WBP1L: variants seen among roughly 807,000 people sequenced by gnomAD.
WBP1L encodes WW domain binding protein 1 like.
Under a neutral mutation model 33.7 loss-of-function variants are expected in WBP1L, and 17 were observed. The ratio of observed to expected loss-of-function variants is 0.50; its 90% CI spans 0.34 to 0.76. The LOEUF is 0.76. WBP1L is among the 30% of genes least tolerant of loss of function. WBP1L has a pLI of 0.01. For missense variants in WBP1L, 389 were observed against 469.4 expected, an observed-to-expected ratio of 0.83 and a Z score of 1.58; for synonymous variants, 173 against 190.8, an observed-to-expected ratio of 0.91 and a Z score of 0.77.
At chr10:102,765,919 C>T (rs1034216928) in intron 1 of WBP1L, among the ~76,000 whole-genome samples, 2 of 152,140 alleles carry the variant, frequency 1.3e-5, no homozygotes, top group South Asian at 4.1e-4. Flanking sequence ...GGGTCAGCCA[C>T]CATTGTACCC....
At chr10:102,768,759 C>T (rs1226098662) in intron 1 of WBP1L, among the ~76,000 whole-genome samples, 4 of 147,882 alleles carry the variant, frequency 2.7e-5, no homozygotes, top group African/African-American at 1.0e-4. Context: ...GTGATCTCGG[C>T]TCACTGAAAG....
intron 1 of WBP1L, among the ~76,000 whole-genome samples, chr10:102,765,862 A>G (rs779598920): frequency 4.6e-5 from 7 of 152,176 alleles, no homozygotes; most frequent in South Asian, 4.1e-4. Flanking sequence ...ACTCAGAGAG[A>G]GTTGAGATGT....
intron 1 of WBP1L, among the ~76,000 whole-genome samples, chr10:102,774,986 G>A (rs943794727): frequency 5.3e-5 from 8 of 151,910 alleles, no homozygotes; most frequent in Admixed American, 2.6e-4. Flanking sequence ...ATGGTAGCAC[G>A]TGCCTGTGGT....
chr10:102,809,605 T>G (rs1282047601), intron 2 of WBP1L, among the ~76,000 whole-genome samples: 1 of 152,100 alleles, frequency 6.6e-6, no homozygotes, highest in African/African-American at 2.4e-5. Context: ...ACTCCTGACC[T>G]CAAGTGATCC....
At chr10:102,771,466 G>A (rs1843185519) in intron 1 of WBP1L, among the ~76,000 whole-genome samples, 1 of 152,026 alleles carries the variant, frequency 6.6e-6, no homozygotes, top group East Asian at 1.9e-4. Context: ...TGAAGCGTTC[G>A]AGACCAGCCT....
At chr10:102,803,865 G>A (rs1333291515) in intron 2 of WBP1L, 1 of 151,878 alleles carries the variant, frequency 6.6e-6, no homozygotes, top group Non-Finnish European at 1.5e-5. Context: ...CCAAAGTGCT[G>A]GGATTCTAGC....
chr10:102,752,379 C>T (rs548852851), intron 1 of WBP1L, among the ~76,000 whole-genome samples: 102 of 152,218 alleles, frequency 6.7e-4, no homozygotes, highest in African/African-American at 2.3e-3. Flanking sequence ...AGCGAGTTTT[C>T]GGTGGGACTT....
chr10:102,757,807 C>A (rs2134029377), intron 1 of WBP1L, among the ~76,000 whole-genome samples: 1 of 150,886 alleles, frequency 6.6e-6, no homozygotes, highest in East Asian at 2.0e-4. Context: ...GAACTCCTGA[C>A]CTCCAGTGAT....
chr10:102,805,232 G>A (rs1843713453), intron 2 of WBP1L, among the ~76,000 whole-genome samples: 1 of 151,936 alleles, frequency 6.6e-6, no homozygotes, highest in African/African-American at 2.4e-5. Flanking sequence ...AGTGAGTTCT[G>A]GTCTCTACTG....
intron 1 of WBP1L, among the ~76,000 whole-genome samples, chr10:102,792,546 C>T (rs1019090315): frequency 4.6e-5 from 7 of 150,612 alleles, no homozygotes; most frequent in Non-Finnish European, 1.0e-4. Context: ...TCTCTGCCTG[C>T]GATGTTCTTC....
At chr10:102,748,445 A>G (rs12763284) in intron 1 of WBP1L, among the ~76,000 whole-genome samples, 72,659 of 151,876 alleles carry the variant, frequency 0.48, 17,488 homozygotes, top group East Asian at 0.62. Context: ...TGGTATTTCA[A>G]TGCCATCACC....
intron 2 of WBP1L, among the ~76,000 whole-genome samples, chr10:102,806,280 G>T (rs1316815586): frequency 6.6e-6 from 1 of 151,954 alleles, no homozygotes; most frequent in Non-Finnish European, 1.5e-5. Flanking sequence ...ATAATGGACT[G>T]TGAGATTACA....
At chr10:102,772,925 C>CTTTTTTTTTT (rs58706105) in intron 1 of WBP1L, among the ~76,000 whole-genome samples, 1 of 138,948 alleles carries the variant, frequency 7.2e-6, no homozygotes, top group Non-Finnish European at 1.5e-5. Flanking sequence ...GTATGACTTC[C>CTTTTTTTTTT]TTTTTTTTTT....
Position 102,810,008 on chromosome 10 carries a change from C to A in WBP1L, c.309C>A (p.Ile103=), listed in dbSNP as rs376943384. 4.3e-5 allele frequency: 70 copies of A among 1,613,808 alleles called. No individual in the cohort carries two copies. The highest frequency in any genetic ancestry group is 5.0e-5 in the Non-Finnish European group (59 of 1,180,014). The change falls in exon 3 of 4, where the codon ATC becomes ATA. Residue 103 remains isoleucine, a synonymous_variant. Coordinates refer to ENST00000448841, the MANE Select transcript of WBP1L (RefSeq NM_001083913.2). ...AGCGGCAACATGAAATCAACCTGAT[C>A]GCTTACCGAGAAGCCCACAATTACT... is the stretch of plus-strand genomic sequence containing the variant. ...AQQRQHEINL[I]AYREAHNYSA... is the part of the protein sequence containing the mutation.
chr10:102,809,068 T>C (rs1843786139), intron 2 of WBP1L, among the ~76,000 whole-genome samples: 2 of 144,576 alleles, frequency 1.4e-5, no homozygotes, highest in Non-Finnish European at 3.1e-5. Flanking sequence ...CCTGCTTTGC[T>C]GTCATCATTC....
Position 102,812,695 on chromosome 10 carries a change from G to A in WBP1L, c.456G>A (p.Gln152=). 6.2e-7 allele frequency: 1 copy of A among 1,613,944 alleles called. No individual in the cohort carries two copies. The highest frequency in any genetic ancestry group is 8.5e-7 in the Non-Finnish European group (1 of 1,179,940). ...PYSAFQLQQQ[Q]LLPPQCGPAG... is the part of the protein sequence containing the mutation. ...GTGCCTTCCAGCTACAGCAGCAGCA[G>A]CTGCTGCCTCCACAGTGTGGCCCTG... The change falls in exon 4 of 4, where the codon CAG becomes CAA. Residue 152 remains glutamine, a synonymous_variant. Coordinates refer to ENST00000448841, the MANE Select transcript of WBP1L (RefSeq NM_001083913.2).
At chr10:102,806,668 CTCTG>C (rs1843741069) in intron 2 of WBP1L, among the ~76,000 whole-genome samples, 1 of 151,226 alleles carries the variant, frequency 6.6e-6, no homozygotes, top group African/African-American at 2.4e-5. Context: ...GAAAAAAATC[CTCTG>C]TCTGTTCTCT....
intron 1 of WBP1L, among the ~76,000 whole-genome samples, chr10:102,790,031 C>T (rs1843474648): frequency 6.6e-6 from 1 of 152,132 alleles, no homozygotes; most frequent in African/African-American, 2.4e-5. Context: ...AGCCACCACG[C>T]CCGGCCGAAA....
intron 1 of WBP1L, among the ~76,000 whole-genome samples, chr10:102,777,689 T>C (rs2134043241): frequency 6.8e-6 from 1 of 147,500 alleles, no homozygotes; most frequent in South Asian, 2.2e-4. Context: ...CTCAGCCTCC[T>C]GAGTAGCTGG....
Sources: allele counts gnomAD v4.1 joint callset (sites outside exome capture counted in the v4.1 genomes callset), GRCh38; gene constraint gnomAD v4.1.1; transcripts MANE v1.5; gene names NCBI Gene and HGNC (gene_info 2026-07-23, HGNC 2026-07-21).